SRPX2: variants seen among roughly 807,000 people sequenced by gnomAD.
SRPX2 encodes the protein sushi repeat containing protein X-linked 2, also known as sushi repeat-containing protein SRPX2.
A neutral mutation model predicts 45.3 loss-of-function variants in SRPX2; 26 were observed. That is an observed-to-expected ratio of 0.57 (90% CI 0.42 to 0.80). SRPX2 has a LOEUF of 0.80. Among genes scored for constraint, SRPX2 ranks in the 30% least tolerant of loss-of-function variants. The pLI, the probability that SRPX2 is intolerant of heterozygous loss-of-function variation, is 0.00. For synonymous variants in SRPX2, 125 were observed against 143.7 expected, an observed-to-expected ratio of 0.87 and a Z score of 0.93; for missense variants, 355 against 399.8, an observed-to-expected ratio of 0.89 and a Z score of 0.95.
chrX:100,660,818 G>C lies in SRPX2; in HGVS notation c.164-1358G>C, dbSNP rs2083184745. Reference sequence around the variant, plus strand: ...AGATTGCACCACTGCACTCCAGCCTGGTGACAGAGGGAGACTCCGTCTCAA... The same window carrying C: ...AGATTGCACCACTGCACTCCAGCCTCGTGACAGAGGGAGACTCCGTCTCAA... On this transcript the variant is annotated intron_variant, in intron 3 of 10. Transcript: ENST00000373004. 2.9e-5 allele frequency: 3 copies of C among 101,824 alleles called. No homozygotes were observed. The Admixed American group carries it at 3.3e-4, about 11-fold the overall frequency. The allele number at this position is 101,824 out of a possible 1,213,427, so 8.4% of individuals were successfully genotyped here. A position where few individuals can be genotyped will look rare whatever the true frequency, so the allele number is the denominator to read the frequency against.
At chrX:100,660,585 T>C (rs1017063670) in intron 3 of SRPX2, among the ~76,000 whole-genome samples, 47 of 112,033 alleles carry the variant, frequency 4.2e-4, no homozygotes, top group African/African-American at 1.4e-3. Context: ...ATCCCAGCAC[T>C]TTAGGAGGCC....
chrX:100,647,304 C>T (rs1408277728), intron 2 of SRPX2, among the ~76,000 whole-genome samples: 1 of 112,783 alleles, frequency 8.9e-6, no homozygotes, highest in African/African-American at 3.2e-5. Flanking sequence ...GCTCCCATCA[C>T]AGCCACAGTC....
intron 3 of SRPX2, among the ~76,000 whole-genome samples, chrX:100,660,702 G>A (rs764044501): frequency 3.6e-5 from 4 of 111,150 alleles, no homozygotes; most frequent in African/African-American, 9.8e-5. Flanking sequence ...TTAGCTGGGC[G>A]TGGTGGCAGG....
Position 100,651,131 on chromosome X carries a change from G to A in SRPX2, c.163+266G>A, listed in dbSNP as rs1569358405. 2.2e-5 allele frequency: 8 copies of A among 358,764 alleles called. No individual in the cohort carries two copies. In the South Asian group the frequency reaches 3.2e-4, roughly 15 times the overall value. 29.6% of individuals were successfully genotyped at this position (358,764 alleles called of 1,213,427 possible). A position where few individuals can be genotyped will look rare whatever the true frequency, so the allele number is the denominator to read the frequency against. On this transcript the variant is annotated intron_variant, in intron 3 of 10. Transcript: ENST00000373004. ...AATCCTGTGCAAGGTAAGCCTGTGGGTAATACAAGGTCTCAGATAGGGTTT... is the reference window on the plus strand; with the variant it reads ...AATCCTGTGCAAGGTAAGCCTGTGGATAATACAAGGTCTCAGATAGGGTTT...
intron 3 of SRPX2, among the ~76,000 whole-genome samples, chrX:100,661,189 G>A (rs1050537177): frequency 1.8e-5 from 2 of 111,926 alleles, no homozygotes; most frequent in Non-Finnish European, 3.8e-5. Flanking sequence ...TACCCTCCCT[G>A]ATGGATATAT....
intron 4 of SRPX2, among the ~76,000 whole-genome samples, chrX:100,663,282 A>G (rs1345891741): frequency 8.9e-6 from 1 of 111,876 alleles, no homozygotes; most frequent in African/African-American, 3.3e-5. Context: ...TCGGTCTGAC[A>G]CAATTGAAAA....
chrX:100,650,855 G>A lies in SRPX2; in HGVS notation c.153G>A (p.Leu51=), dbSNP rs1315659341. 8.3e-7 allele frequency: 1 copy of A among 1,206,804 alleles called. No homozygotes were observed. Among genetic ancestry groups the A allele is most frequent in the Non-Finnish European group, 1.1e-6 (1 of 891,515 alleles). ...YAEEVPQAPA[L]DYRVPRWCYT... ...AGGAGGTCCCACAGGCTCCTGCCCTGGACTACCGAGGTAATCTACCCTGCT... is the reference window on the plus strand; with the variant it reads ...AGGAGGTCCCACAGGCTCCTGCCCTAGACTACCGAGGTAATCTACCCTGCT... The change falls in exon 3 of 11, where the codon CTG becomes CTA. Residue 51 remains leucine (L), a synonymous_variant. Coordinates refer to ENST00000373004, the MANE Select transcript of SRPX2 (RefSeq NM_014467.3).
At chrX:100,657,878 T>G (rs781295926) in intron 3 of SRPX2, among the ~76,000 whole-genome samples, 1 of 111,980 alleles carries the variant, frequency 8.9e-6, no homozygotes, top group Non-Finnish European at 1.9e-5. Flanking sequence ...TCCGCCCACC[T>G]TGGCCTCCCA....
Position 100,675,701 on chromosome X carries a change from G to A in SRPX2, c.*4714G>A, listed in dbSNP as rs1419242137. 6 of 165,004 alleles carry A rather than the reference G, an allele frequency of 3.6e-5. No individual in the cohort carries two copies. The allele number at this position is 165,004 out of a possible 1,213,427, so 13.6% of individuals were successfully genotyped here. On this transcript the variant is annotated 3_prime_UTR_variant, in exon 11 of 11. Transcript: ENST00000373004. ...ATAGCAAGACAGAAGATAAAAAGTT[G>A]TTTTAAAAGCTGTTTTTAAGTTAAG...
chrX:100,651,167 A>T, intron 3 of SRPX2: 1 of 308,494 alleles, frequency 3.2e-6, no homozygotes, highest in Non-Finnish European at 5.7e-6. Context: ...TGTCCCCATC[A>T]TGTAGCTTAT....
rs2083212576 is a variant in SRPX2, at chrX:100,668,561, G to C, written c.1096-687G>C. Reference sequence around the variant, plus strand: ...GGTGGGGTGCCGGGGAGTATTCAAGGCCTCTTTAAACCTCACCCTGGTAAA... The same window carrying C: ...GGTGGGGTGCCGGGGAGTATTCAAGCCCTCTTTAAACCTCACCCTGGTAAA... On this transcript the variant is annotated intron_variant, in intron 9 of 10. Coordinates refer to ENST00000373004, the MANE Select transcript of SRPX2 (RefSeq NM_014467.3). Among the ~76,000 whole-genome samples the C allele has an allele frequency of 3.6e-5, 4 of 111,114 alleles. No individual in the cohort carries two copies. The Admixed American group carries it at 3.8e-4, about 11-fold the overall frequency.
At chrX:100,651,262 T>C (rs758363331) in intron 3 of SRPX2, among the ~76,000 whole-genome samples, 8 of 110,555 alleles carry the variant, frequency 7.2e-5, no homozygotes, top group Non-Finnish European at 1.5e-4. Context: ...GTAAATGCAA[T>C]AGGGTTTAAG....
chrX:100,655,575 A>G (rs2083166005), intron 3 of SRPX2, among the ~76,000 whole-genome samples: 1 of 111,556 alleles, frequency 9.0e-6, no homozygotes, highest in African/African-American at 3.3e-5. Context: ...TACATAGGAC[A>G]TGGAGTTTGG....
At position 100,669,285 on chromosome X, in the gene SRPX2, T is replaced by C. The variant is rs1483904597; in HGVS notation, c.1133T>C (p.Ile378Thr). Residue 378 changes from isoleucine to threonine, a missense_variant, in exon 10 of 11, where the codon ATC (isoleucine) becomes ACC (threonine). Physicochemically the swap from Ile to Thr is moderately conservative, Grantham distance 89 (BLOSUM62 -1). Coordinates refer to ENST00000373004, the MANE Select transcript of SRPX2 (RefSeq NM_014467.3). ...GGACTGGATTTGCGGCATGTGACCA[T>C]CATTGAACTGGTGGGACAGCCACCT... ...TCGLDLRHVT[I>T]IELVGQPPQE... 1 of 1,209,902 alleles carries C rather than the reference T, an allele frequency of 8.3e-7. No homozygotes were observed. The highest frequency in any genetic ancestry group is 2.2e-5 in the Admixed American group (1 of 45,762).
At position 100,657,349 on chromosome X, in the gene SRPX2, CTTTTTT is replaced by C. The variant is rs1163232018; in HGVS notation, c.164-4813_164-4808del. Among the ~76,000 whole-genome samples, 117 of 28,414 alleles carry C rather than the reference CTTTTTT, an allele frequency of 4.1e-3. 6 individuals are homozygous for C. The highest frequency in any genetic ancestry group is 0.01 in the South Asian group (2 of 199). The allele number at this position is 28,414 out of a possible 115,157, so 24.7% of individuals were successfully genotyped here. A position where few individuals can be genotyped will look rare whatever the true frequency, so the allele number is the denominator to read the frequency against. ...CCTGGCCGGCATCTGTTATTTATGT[CTTTTTT>C]TTTTTTTTTTTTTGAGACAGAGTCT... On this transcript the variant is annotated intron_variant, in intron 3 of 10. Transcript: ENST00000373004.
chrX:100,644,825 C>T (rs189262515), intron 1 of SRPX2, among the ~76,000 whole-genome samples: 52 of 111,215 alleles, frequency 4.7e-4, no homozygotes, highest in African/African-American at 1.7e-3. Flanking sequence ...AAAAGGAATG[C>T]CTCTGCTCCA....
In SRPX2 at chrX:100,665,251, C is replaced by A. The variant is rs1751418613; in HGVS notation, c.541C>A (p.Pro181Thr). Residue 181 changes from proline to threonine, a missense_variant, in exon 6 of 11, where the codon CCC becomes ACC. Physicochemically the swap from Pro to Thr is conservative, Grantham distance 38. Transcript: ENST00000373004. ...GGEPVCVDID[P>T]PKIRCPHSRE... is the part of the protein sequence containing the mutation. ...ATTTTTCATCTTGGCAGACATAGAT[C>A]CCCCCAAGATCCGCTGTCCCCACTC... 1.7e-6 allele frequency: 2 copies of A among 1,209,766 alleles called. No individual in the cohort carries two copies. The highest frequency in any genetic ancestry group is 2.2e-6 in the Non-Finnish European group (2 of 894,594).
intron 3 of SRPX2, among the ~76,000 whole-genome samples, chrX:100,656,008 C>T (rs749098655): frequency 1.8e-5 from 2 of 108,553 alleles, no homozygotes; most frequent in South Asian, 4.2e-4. Flanking sequence ...GGATTACAGG[C>T]GCACACTACG....
In SRPX2 at chrX:100,662,208, G is replaced by T; in HGVS notation, c.196G>T (p.Asp66Tyr). 3 of 1,211,381 alleles carry T rather than the reference G, an allele frequency of 2.5e-6. No homozygotes were observed. The highest frequency in any genetic ancestry group is 3.4e-6 in the Non-Finnish European group (3 of 895,472). The part of the protein sequence containing the change: ...PRWCYTLNIQ[D>Y]GEATCYSPKG... ...ATGGTGTTATACATTAAATATCCAG[G>T]ATGGAGAAGCCACATGCTACTCACC... Residue 66 changes from aspartate to tyrosine, a missense_variant, in exon 4 of 11, where the codon GAT becomes TAT. Physicochemically the swap from Asp to Tyr is radical, Grantham distance 160. Transcript: ENST00000373004.
Sources: gnomAD v4.1 joint callset for allele counts (sites outside exome capture counted in the v4.1 genomes callset) on GRCh38, gnomAD v4.1.1 for gene constraint, MANE v1.5 for transcripts, NCBI Gene and HGNC (gene_info 2026-07-23, HGNC 2026-07-21) for gene names.